Variants in KCNIP1 observed in about 807,000 individuals in gnomAD.
KCNIP1 encodes the protein potassium voltage-gated channel interacting protein 1, also known as A-type potassium channel modulatory protein KCNIP1.
KCNIP1 carries 18 observed loss-of-function variants against 33.0 expected under a neutral mutation model. The ratio of observed to expected loss-of-function variants is 0.55; its 90% confidence interval spans 0.38 to 0.81. The LOEUF is 0.81. Among genes scored for constraint, KCNIP1 ranks in the 30% least tolerant of loss-of-function variants. KCNIP1 has a pLI of 0.00. For missense variants in KCNIP1, 238 were observed against 271.6 expected (o/e 0.88, Z 0.87); for synonymous variants, 93 against 98.3 (o/e 0.95, Z 0.32).
chr5:170,445,423 C>T (rs766363957), intron 1 of KCNIP1, among the ~76,000 whole-genome samples: 8 of 152,236 alleles, frequency 5.3e-5, no homozygotes, highest in East Asian at 1.9e-4. Flanking sequence ...ACCATGGCTG[C>T]GAGTGAGAGG....
At chr5:170,430,537 G>C (rs2113445548) in intron 1 of KCNIP1, among the ~76,000 whole-genome samples, 1 of 152,238 alleles carries the variant, frequency 6.6e-6, no homozygotes, top group Middle Eastern at 3.4e-3. Context: ...TACTTCCTTG[G>C]CTCCTATCAT....
intron 1 of KCNIP1, among the ~76,000 whole-genome samples, chr5:170,516,281 G>A (rs575465869): frequency 4.6e-5 from 7 of 152,250 alleles, no homozygotes; most frequent in Non-Finnish European, 1.0e-4. Context: ...CTCTCCCAGG[G>A]AACTTACTAT....
At chr5:170,498,799 T>A (rs1460409426) in intron 1 of KCNIP1, among the ~76,000 whole-genome samples, 2 of 152,210 alleles carry the variant, frequency 1.3e-5, no homozygotes, top group Non-Finnish European at 2.9e-5. Flanking sequence ...TTACTTTATC[T>A]TACCCCATTC....
chr5:170,356,489 C>G (rs555110373), intron 1 of KCNIP1, among the ~76,000 whole-genome samples: 33 of 152,332 alleles, frequency 2.2e-4, no homozygotes, highest in African/African-American at 7.9e-4. Context: ...TCTAAGATGC[C>G]AGCTAGCCCA....
At chr5:170,674,955 T>A (rs541002181) in intron 1 of KCNIP1, among the ~76,000 whole-genome samples, 1 of 148,136 alleles carries the variant, frequency 6.8e-6, no homozygotes. Flanking sequence ...TGTAGCTAGA[T>A]GCACAGAGGG....
At chr5:170,527,155 C>T (rs1209710333) in intron 1 of KCNIP1, among the ~76,000 whole-genome samples, 1 of 152,196 alleles carries the variant, frequency 6.6e-6, no homozygotes, top group Non-Finnish European at 1.5e-5. Flanking sequence ...TCCCTTGCTC[C>T]TAAGCAGCCC....
At chr5:170,480,733 T>A (rs1756959333) in intron 1 of KCNIP1, among the ~76,000 whole-genome samples, 1 of 152,142 alleles carries the variant, frequency 6.6e-6, no homozygotes, top group African/African-American at 2.4e-5. Context: ...CGTGAGGCAC[T>A]GCACCCGGCC....
At chr5:170,378,593 G>A in intron 1 of KCNIP1, 1 of 1,140,716 alleles carries the variant, frequency 8.8e-7, no homozygotes, top group Non-Finnish European at 1.3e-6. Context: ...GATTGGACTG[G>A]AAGAGTGGGA....
At chr5:170,719,336 G>A (rs188275078) in intron 2 of KCNIP1, among the ~76,000 whole-genome samples, 11 of 152,120 alleles carry the variant, frequency 7.2e-5, no homozygotes, top group East Asian at 1.9e-4. Context: ...CTCTCCCTTC[G>A]CTGGGACCCG....
Position 170,387,845 on chromosome 5 carries a change from G to A in KCNIP1, c.88+33881G>A, listed in dbSNP as rs114199514. Among the ~76,000 whole-genome samples the A allele has an allele frequency of 6.6e-3, 1,001 of 152,288 alleles. 13 individuals carry two copies. Among genetic ancestry groups the A allele is most frequent in the African/African-American group, 0.023 (945 of 41,550 alleles). ...AGCCTGCTTCCCCAGGACCTGCAAG[G>A]GTCACTGGCACTTGGCCCCACCCCA... On this transcript the variant is annotated intron_variant, in intron 1 of 7. Coordinates refer to the KCNIP1 transcript ENST00000377360.
intron 1 of KCNIP1, among the ~76,000 whole-genome samples, chr5:170,387,834 G>A (rs1764539923): frequency 6.6e-6 from 1 of 152,214 alleles, no homozygotes; most frequent in South Asian, 2.1e-4. Context: ...TGCTTCCCCA[G>A]GACCTGCAAG....
intron 1 of KCNIP1, among the ~76,000 whole-genome samples, chr5:170,600,597 C>T (rs1758653334): frequency 6.6e-6 from 1 of 152,168 alleles, no homozygotes; most frequent in Non-Finnish European, 1.5e-5. Context: ...ACACTTCTCA[C>T]ATTACATTGA....
intron 1 of KCNIP1, among the ~76,000 whole-genome samples, chr5:170,601,204 TC>T (rs1223286799): frequency 6.6e-6 from 1 of 152,236 alleles, no homozygotes; most frequent in Non-Finnish European, 1.5e-5. Flanking sequence ...ATACACCAGC[TC>T]CTGGTTTGGA....
At chr5:170,554,618 C>T (rs1304695928) in intron 1 of KCNIP1, among the ~76,000 whole-genome samples, 2 of 152,236 alleles carry the variant, frequency 1.3e-5, no homozygotes, top group Admixed American at 6.5e-5. Flanking sequence ...AGTGGAGATT[C>T]ACCAGCCATG....
At position 170,472,595 on chromosome 5, in the gene KCNIP1, C is replaced by A. The variant is rs547040195; in HGVS notation, c.88+118631C>A. Among the ~76,000 whole-genome samples the A allele has an allele frequency of 9.3e-5, 13 of 140,226 alleles. 1 individual carries two copies. The South Asian group carries it at 2.9e-3, about 32-fold the overall frequency. The allele number at this position is 140,226 out of a possible 152,430, so 92.0% of individuals were successfully genotyped here. A position where few individuals can be genotyped will look rare whatever the true frequency, so the allele number is the denominator to read the frequency against. On this transcript the variant is annotated intron_variant, in intron 1 of 7. Transcript: ENST00000377360. ...CCTCGCCCCCCTCCCACCCTCCCCC[C>A]CAAGTCCCCAAAGTCCATTGTATCA...
intron 1 of KCNIP1, among the ~76,000 whole-genome samples, chr5:170,618,206 C>A (rs893297826): frequency 7.2e-5 from 11 of 151,996 alleles, no homozygotes; most frequent in African/African-American, 2.7e-4. Context: ...TAAATGCTGC[C>A]TGATTAAAAA....
At chr5:170,400,656 T>C (rs551593476) in intron 1 of KCNIP1, among the ~76,000 whole-genome samples, 2 of 152,354 alleles carry the variant, frequency 1.3e-5, no homozygotes, top group South Asian at 4.1e-4. Context: ...CATTTGATCC[T>C]GACCCTTTGA....
chr5:170,528,591 G>A (rs1029743555), intron 1 of KCNIP1, among the ~76,000 whole-genome samples: 2 of 152,194 alleles, frequency 1.3e-5, no homozygotes, highest in African/African-American at 4.8e-5. Flanking sequence ...TCTTGAAGGG[G>A]CTTGTGCCAG....
At chr5:170,475,084 A>T (rs952084351) in intron 1 of KCNIP1, among the ~76,000 whole-genome samples, 3 of 152,168 alleles carry the variant, frequency 2.0e-5, no homozygotes, top group African/African-American at 7.2e-5. Context: ...AGCTAGCTAC[A>T]GAGTGCTGAT....
Sources: allele counts gnomAD v4.1 joint callset (sites outside exome capture counted in the v4.1 genomes callset), GRCh38; gene constraint gnomAD v4.1.1; transcripts MANE v1.5; gene names NCBI Gene and HGNC (gene_info 2026-07-23, HGNC 2026-07-21).